Variants in TENM3 observed in about 807,000 individuals in gnomAD.
The protein encoded by TENM3 is teneurin transmembrane protein 3, also known as teneurin-3.
Under a neutral mutation model 255.1 loss-of-function variants are expected in TENM3, and 63 were observed. The ratio of observed to expected loss-of-function variants is 0.25; its 90% CI spans 0.20 to 0.30. TENM3 has a LOEUF of 0.30. TENM3 is among the 10% of genes least tolerant of loss of function. The pLI, the probability that TENM3 is intolerant of heterozygous loss-of-function variation, is 1.00. For synonymous variants in TENM3, 1,306 were observed against 1,322.3 expected, an observed-to-expected ratio of 0.99 and a Z score of 0.27; for missense variants, 2,929 against 3,461.1, an observed-to-expected ratio of 0.85 and a Z score of 3.86.
chr4:182,349,338 A>G (rs1456528575), intron 3 of TENM3, among the ~76,000 whole-genome samples: 1 of 152,242 alleles, frequency 6.6e-6, no homozygotes, highest in Non-Finnish European at 1.5e-5. Context: ...GCTATTGCAT[A>G]TATTTCAAAC....
the TENM3 span, among the ~76,000 whole-genome samples, chr4:181,896,258 A>AT: frequency 2.6e-5 from 4 of 151,478 alleles, no homozygotes; most frequent in Admixed American, 6.6e-5. Context: ...TTTGTTCAAG[A>AT]TTTTTTTTTC....
chr4:181,745,412 G>T, the TENM3 span, among the ~76,000 whole-genome samples: 7 of 152,240 alleles, frequency 4.6e-5, no homozygotes, highest in East Asian at 9.7e-4. Context: ...GACGGAAGAA[G>T]GGAGAAAGCG....
At chr4:182,335,618 T>G (rs1346964738) in intron 2 of TENM3, among the ~76,000 whole-genome samples, 1 of 150,164 alleles carries the variant, frequency 6.7e-6, no homozygotes, top group Admixed American at 6.6e-5. Flanking sequence ...GACTCAATAG[T>G]AGGGGAGAAA....
chr4:181,470,018 C>T, the TENM3 span, among the ~76,000 whole-genome samples: 2 of 149,332 alleles, frequency 1.3e-5, no homozygotes, highest in African/African-American at 2.5e-5. Context: ...GGTAATGAAA[C>T]ATTTTCCTTC....
the TENM3 span, among the ~76,000 whole-genome samples, chr4:181,683,677 C>T: frequency 1.2e-4 from 19 of 152,080 alleles, no homozygotes; most frequent in Non-Finnish European, 2.6e-4. Context: ...TCGTGCAAGG[C>T]GATGGTCTAG....
the TENM3 span, among the ~76,000 whole-genome samples, chr4:181,540,857 G>A: frequency 6.6e-6 from 1 of 151,960 alleles, no homozygotes; most frequent in Non-Finnish European, 1.5e-5. Flanking sequence ...GAAATACAGA[G>A]GAAATCTGAA....
At chr4:181,983,019 T>C in the TENM3 span, among the ~76,000 whole-genome samples, 9 of 152,178 alleles carry the variant, frequency 5.9e-5, no homozygotes, top group African/African-American at 2.2e-4. Context: ...AGCCATTCCG[T>C]AGATTTGTAC....
intron 1 of TENM3, among the ~76,000 whole-genome samples, chr4:182,289,679 G>C (rs1382623983): frequency 6.6e-6 from 1 of 152,204 alleles, no homozygotes; most frequent in Non-Finnish European, 1.5e-5. Flanking sequence ...CACCTGCTGA[G>C]TCTAATAAAC....
chr4:182,588,292 C>T (rs1307439592), intron 3 of TENM3, among the ~76,000 whole-genome samples: 2 of 152,016 alleles, frequency 1.3e-5, no homozygotes, highest in Non-Finnish European at 2.9e-5. Context: ...TCTTCTATAC[C>T]AGACATTTTA....
rs563398709 is a variant in TENM3, at chr4:182,615,418, G to A, written c.750-13233G>A. On this transcript the variant is annotated intron_variant, in intron 4 of 27. Coordinates refer to ENST00000511685, the MANE Select transcript of TENM3 (RefSeq NM_001080477.4). ...GGTAAAGTATCAACTAGATTTACAC[G>A]TGGCTCAGAAATCCAAGTATAGAGT... Among the ~76,000 whole-genome samples the A allele has an allele frequency of 1.6e-4, 25 of 152,234 alleles. No homozygotes were observed. The South Asian group carries it at 5.2e-3, about 32-fold the overall frequency.
At chr4:182,343,900 T>G (rs1489720036) in intron 2 of TENM3, among the ~76,000 whole-genome samples, 1 of 152,152 alleles carries the variant, frequency 6.6e-6, no homozygotes, top group Non-Finnish European at 1.5e-5. Flanking sequence ...AACAATAGAA[T>G]GTGAAGCACT....
At chr4:182,445,592 G>A (rs143061738) in intron 3 of TENM3, among the ~76,000 whole-genome samples, 4 of 151,902 alleles carry the variant, frequency 2.6e-5, no homozygotes, top group Admixed American at 6.6e-5. Flanking sequence ...TGAAGTAACA[G>A]CTCATTTGTG....
At chr4:182,412,214 C>T (rs1004496032) in intron 3 of TENM3, among the ~76,000 whole-genome samples, 5 of 152,126 alleles carry the variant, frequency 3.3e-5, no homozygotes, top group Non-Finnish European at 5.9e-5. Context: ...AGTGCAGATA[C>T]TTCCAGACTT....
chr4:182,520,671 AC>A (rs1314531102), intron 3 of TENM3, among the ~76,000 whole-genome samples: 2 of 152,152 alleles, frequency 1.3e-5, no homozygotes, highest in Non-Finnish European at 1.5e-5. Context: ...ATAAACATAA[AC>A]TTTTTTCCCT....
chr4:182,169,074 T>TAAACACACACAC (rs368986469), intron 1 of TENM3, among the ~76,000 whole-genome samples: 2 of 137,856 alleles, frequency 1.5e-5, no homozygotes, highest in Admixed American at 7.8e-5. Flanking sequence ...AATCATGCCA[T>TAAACACACACAC]ACACACACAC....
At chr4:182,688,379 C>A in intron 12 of TENM3, 28 bp downstream of exon 12, 2 of 1,493,066 alleles carry the variant, frequency 1.3e-6, no homozygotes, top group South Asian at 1.3e-5. Context: ...CTGTGTCTGT[C>A]CCCTTCCTCC....
the TENM3 span, among the ~76,000 whole-genome samples, chr4:182,121,906 G>A: frequency 6.6e-6 from 1 of 152,216 alleles, no homozygotes; most frequent in Non-Finnish European, 1.5e-5. Flanking sequence ...TTTACCTACA[G>A]TAGAGCTTCT....
chr4:181,466,938 C>A, the TENM3 span, among the ~76,000 whole-genome samples: 1 of 150,616 alleles, frequency 6.6e-6, no homozygotes, highest in Non-Finnish European at 1.5e-5. Context: ...TTTATTGGTG[C>A]TATTTTTAGG....
chr4:182,361,585 A>G (rs1398658825), intron 3 of TENM3, among the ~76,000 whole-genome samples: 1 of 151,826 alleles, frequency 6.6e-6, no homozygotes, highest in African/African-American at 2.4e-5. Flanking sequence ...TCCTTTAAGC[A>G]CTTCTCTGTA....
Sources: allele counts gnomAD v4.1 joint callset (sites outside exome capture counted in the v4.1 genomes callset), GRCh38; gene constraint gnomAD v4.1.1; transcripts MANE v1.5; gene names NCBI Gene and HGNC (gene_info 2026-07-23, HGNC 2026-07-21).